KHDRBS2: variants seen among roughly 807,000 people sequenced by gnomAD.
The protein encoded by KHDRBS2 is KH domain-containing, RNA-binding, signal transduction-associated protein 2.
KHDRBS2 carries 26 observed loss-of-function variants against 44.3 expected under a neutral mutation model. That is an observed-to-expected ratio of 0.59 (90% confidence interval 0.43 to 0.81). The LOEUF is 0.81. Among genes scored for constraint, KHDRBS2 ranks in the 40% least tolerant of loss-of-function variants. The pLI, the probability that KHDRBS2 is intolerant of heterozygous loss-of-function variation, is 0.00. For missense variants in KHDRBS2, 476 were observed against 433.1 expected (o/e 1.10, Z -0.88); for synonymous variants, 194 against 151.1 (o/e 1.28, Z -2.08).
In KHDRBS2 at chr6:62,064,216, T is replaced by C. The variant is rs962452657; in HGVS notation, c.220-16222A>G. 1.1e-3 allele frequency among the ~76,000 whole-genome samples: 147 copies of C among 138,014 alleles called. 3 individuals carry two copies. Among genetic ancestry groups the C allele is most frequent in the African/African-American group, 3.9e-3 (147 of 38,018 alleles). The allele number at this position is 138,014 out of a possible 152,430, so 90.5% of individuals were successfully genotyped here. ...AATGGCCATACTGCCCAAGGTAATT[T>C]ACAGATTCAATGCCATCCCCATCAA... On this transcript the variant is annotated intron_variant, in intron 2 of 8. Coordinates refer to ENST00000281156, the MANE Select transcript of KHDRBS2 (RefSeq NM_152688.4).
the KHDRBS2 span, among the ~76,000 whole-genome samples, chr6:61,650,409 G>GTTTT: frequency 6.7e-6 from 1 of 148,742 alleles, no homozygotes. Flanking sequence ...TTAAAAAAAT[G>GTTTT]TTTTTTTTTT....
intron 2 of KHDRBS2, among the ~76,000 whole-genome samples, chr6:62,070,161 G>T (rs1350563648): frequency 6.6e-6 from 1 of 151,618 alleles, no homozygotes; most frequent in African/African-American, 2.4e-5. Context: ...GTCCCTCTTT[G>T]CAATAGTGCA....
At chr6:61,595,504 T>C in the KHDRBS2 span, among the ~76,000 whole-genome samples, 1 of 152,142 alleles carries the variant, frequency 6.6e-6, no homozygotes, top group Non-Finnish European at 1.5e-5. Context: ...TCTTCATGCA[T>C]TTATAACTTT....
the KHDRBS2 span, among the ~76,000 whole-genome samples, chr6:61,545,441 T>C: frequency 6.6e-6 from 1 of 151,862 alleles, no homozygotes; most frequent in Non-Finnish European, 1.5e-5. Flanking sequence ...TTTTAGGTCA[T>C]TGTGAAGGAA....
chr6:62,272,362 T>TC (rs1401565069), intron 1 of KHDRBS2, among the ~76,000 whole-genome samples: 1 of 152,190 alleles, frequency 6.6e-6, no homozygotes, highest in Non-Finnish European at 1.5e-5. Context: ...CACAAGCACA[T>TC]CCTTTTTCTT....
chr6:62,116,516 T>G (rs1272970132), intron 2 of KHDRBS2, among the ~76,000 whole-genome samples: 3 of 152,302 alleles, frequency 2.0e-5, no homozygotes, highest in African/African-American at 7.2e-5. Flanking sequence ...ATGGGGTACA[T>G]GTGATATTTT....
chr6:62,263,459 T>C (rs998969760), intron 1 of KHDRBS2, among the ~76,000 whole-genome samples: 1 of 151,702 alleles, frequency 6.6e-6, no homozygotes, highest in Non-Finnish European at 1.5e-5. Context: ...TACTGATACA[T>C]GATTAATGTT....
intron 2 of KHDRBS2, among the ~76,000 whole-genome samples, chr6:62,085,597 A>G (rs1179586773): frequency 6.6e-6 from 1 of 152,178 alleles, no homozygotes; most frequent in Non-Finnish European, 1.5e-5. Context: ...TATATTAAGC[A>G]CAAACAAAAT....
intron 2 of KHDRBS2, among the ~76,000 whole-genome samples, chr6:62,135,715 A>G (rs1811368700): frequency 2.0e-5 from 3 of 152,200 alleles, no homozygotes; most frequent in South Asian, 4.1e-4. Flanking sequence ...ACACACACAC[A>G]TACAATGGAA....
intron 6 of KHDRBS2, among the ~76,000 whole-genome samples, chr6:61,893,763 C>A (rs371515603): frequency 6.6e-6 from 1 of 151,572 alleles, no homozygotes; most frequent in Admixed American, 6.6e-5. Flanking sequence ...GTGAGGGGAG[C>A]GGGGAGGGAT....
intron 3 of KHDRBS2, among the ~76,000 whole-genome samples, chr6:61,983,039 A>G (rs1774193878): frequency 1.3e-5 from 2 of 151,964 alleles, no homozygotes; most frequent in African/African-American, 4.8e-5. Flanking sequence ...TTTTCATGGC[A>G]ATACAGTTGC....
intron 6 of KHDRBS2, among the ~76,000 whole-genome samples, chr6:61,857,926 A>T (rs908320391): frequency 2.0e-5 from 3 of 152,032 alleles, no homozygotes; most frequent in African/African-American, 7.2e-5. Flanking sequence ...CATATGATTT[A>T]AAATTTATAT....
chr6:62,101,137 A>G (rs1801794374), intron 2 of KHDRBS2, among the ~76,000 whole-genome samples: 1 of 152,182 alleles, frequency 6.6e-6, no homozygotes, highest in Admixed American at 6.5e-5. Context: ...TATAATATGA[A>G]GAGAATAAAA....
At chr6:61,807,571 A>G (rs1481321447) in intron 6 of KHDRBS2, among the ~76,000 whole-genome samples, 1 of 152,164 alleles carries the variant, frequency 6.6e-6, no homozygotes, top group Non-Finnish European at 1.5e-5. Context: ...ATTCAGAAAC[A>G]GAAATCCAAA....
At chr6:61,836,306 A>G (rs1271768454) in intron 6 of KHDRBS2, among the ~76,000 whole-genome samples, 1 of 151,988 alleles carries the variant, frequency 6.6e-6, no homozygotes, top group Non-Finnish European at 1.5e-5. Flanking sequence ...TAGTTAATGT[A>G]TTCCATAAAC....
At chr6:61,890,298 A>G (rs540889539) in intron 6 of KHDRBS2, among the ~76,000 whole-genome samples, 3 of 152,172 alleles carry the variant, frequency 2.0e-5, no homozygotes, top group South Asian at 4.1e-4. Context: ...ATATTTTACT[A>G]TTTTCTGTTA....
chr6:62,063,286 A>G (rs1792536864), intron 2 of KHDRBS2, among the ~76,000 whole-genome samples: 1 of 150,394 alleles, frequency 6.6e-6, no homozygotes, highest in African/African-American at 2.4e-5. Flanking sequence ...TTATGAGGCC[A>G]GCATCATTCT....
intron 6 of KHDRBS2, among the ~76,000 whole-genome samples, chr6:61,867,056 C>T (rs1364326573): frequency 6.6e-6 from 1 of 152,212 alleles, no homozygotes; most frequent in African/African-American, 2.4e-5. Flanking sequence ...GTCACTTCCA[C>T]ATTTTCAGGT....
At chr6:61,564,758 C>T in the KHDRBS2 span, among the ~76,000 whole-genome samples, 2 of 152,056 alleles carry the variant, frequency 1.3e-5, no homozygotes, top group African/African-American at 2.4e-5. Context: ...TTGGCCCTGA[C>T]ATTTTCCCTT....
Sources: allele counts gnomAD v4.1 joint callset (sites outside exome capture counted in the v4.1 genomes callset), GRCh38; gene constraint gnomAD v4.1.1; transcripts MANE v1.5; gene names NCBI Gene and HGNC (gene_info 2026-07-23, HGNC 2026-07-21).